SERGEF: variants seen among roughly 807,000 people sequenced by gnomAD.
SERGEF encodes the protein secretion-regulating guanine nucleotide exchange factor.
Under a neutral mutation model 50.0 loss-of-function variants are expected in SERGEF, and 51 were observed. That is an observed-to-expected ratio of 1.02 (90% CI 0.81 to 1.29). The LOEUF is 1.29. Ranked by LOEUF, SERGEF falls within the 50% of genes most tolerant of loss-of-function variation. The pLI, the probability that SERGEF is intolerant of heterozygous loss-of-function variation, is 0.00. For synonymous variants in SERGEF, 205 were observed against 212.4 expected, an observed-to-expected ratio of 0.97 and a Z score of 0.30; for missense variants, 521 against 557.0, an observed-to-expected ratio of 0.94 and a Z score of 0.65.
chr11:17,971,773 G>A (rs1853253271), intron 8 of SERGEF, among the ~76,000 whole-genome samples: 1 of 152,162 alleles, frequency 6.6e-6, no homozygotes, highest in Non-Finnish European at 1.5e-5. Context: ...ATTTTGTAAA[G>A]CTATAGCTGC....
At chr11:17,922,195 T>C (rs967334301) in intron 9 of SERGEF, among the ~76,000 whole-genome samples, 1 of 152,150 alleles carries the variant, frequency 6.6e-6, no homozygotes, top group Non-Finnish European at 1.5e-5. Context: ...AGAAAACCAC[T>C]CCTGTCTACG....
chr11:17,824,300 C>CA (rs34840327), intron 10 of SERGEF, among the ~76,000 whole-genome samples: 24 of 139,502 alleles, frequency 1.7e-4, no homozygotes, highest in African/African-American at 3.2e-4. Context: ...GACACCGTCT[C>CA]AAAAAAAAAA....
intron 6 of SERGEF, 64 bp from the exon 7 acceptor site, chr11:17,993,057 G>GCCCC: frequency 7.2e-7 from 1 of 1,386,466 alleles, no homozygotes; most frequent in Non-Finnish European, 1.0e-6. Flanking sequence ...CAGAGAGGGG[G>GCCCC]CACTCAGCCA....
intron 10 of SERGEF, among the ~76,000 whole-genome samples, chr11:17,851,130 C>T (rs1350560654): frequency 6.6e-6 from 1 of 152,194 alleles, no homozygotes; most frequent in African/African-American, 2.4e-5. Flanking sequence ...ATGTATATAT[C>T]TGTACCGTGT....
chr11:17,992,283 T>C (rs1342217422), intron 7 of SERGEF, among the ~76,000 whole-genome samples: 3 of 152,072 alleles, frequency 2.0e-5, no homozygotes, highest in African/African-American at 7.2e-5. Context: ...GACACACAGA[T>C]TAGATATTAC....
chr11:18,005,591 C>T lies in SERGEF; in HGVS notation c.352+1000G>A, dbSNP rs7929260. ...ATGACAGGAGAGTGACAGAAGATGC[C>T]CTTGCCAAAGGACCGTGGCAAAGAG... On this transcript the variant is annotated intron_variant, in intron 3 of 10. Transcript: ENST00000265965. Among the ~76,000 whole-genome samples, 862 of 152,214 alleles carry T rather than the reference C, an allele frequency of 5.7e-3. 8 individuals carry two copies. The highest frequency in any genetic ancestry group is 0.02 in the African/African-American group (815 of 41,528).
chr11:17,940,260 A>C (rs1418284763), intron 9 of SERGEF, among the ~76,000 whole-genome samples: 2 of 152,180 alleles, frequency 1.3e-5, no homozygotes, highest in Non-Finnish European at 2.9e-5. Flanking sequence ...CTTGTGGGCA[A>C]GACATCAATA....
At chr11:17,911,258 T>C (rs947377696) in intron 9 of SERGEF, among the ~76,000 whole-genome samples, 1 of 149,900 alleles carries the variant, frequency 6.7e-6, no homozygotes, top group South Asian at 2.1e-4. Context: ...GTATGAGTGA[T>C]GGGGCCAGGA....
chr11:17,910,193 A>T (rs509678), intron 9 of SERGEF, among the ~76,000 whole-genome samples: 71,930 of 145,228 alleles, frequency 0.5, 19,195 homozygotes, highest in African/African-American at 0.72. Context: ...ACACACACAC[A>T]CTCTCTCTCT....
intron 7 of SERGEF, among the ~76,000 whole-genome samples, chr11:17,992,002 G>A (rs1474007022): frequency 6.6e-6 from 1 of 152,116 alleles, no homozygotes; most frequent in Non-Finnish European, 1.5e-5. Flanking sequence ...AGGGGTCAGG[G>A]CAATGTGGGC....
chr11:17,878,499 AT>A (rs1251342304), intron 9 of SERGEF, among the ~76,000 whole-genome samples: 4 of 152,184 alleles, frequency 2.6e-5, no homozygotes, highest in Non-Finnish European at 4.4e-5. Context: ...ACCATGAGTA[AT>A]TTTTTAAACC....
At chr11:17,811,071 A>C (rs1849862839) in intron 10 of SERGEF, among the ~76,000 whole-genome samples, 1 of 152,226 alleles carries the variant, frequency 6.6e-6, no homozygotes, top group Non-Finnish European at 1.5e-5. Flanking sequence ...TGGTGGAAGC[A>C]GCTGAGAGAA....
At chr11:17,932,039 T>G (rs933307439) in intron 9 of SERGEF, among the ~76,000 whole-genome samples, 1 of 133,606 alleles carries the variant, frequency 7.5e-6, no homozygotes, top group Admixed American at 8.2e-5. Context: ...TCAATGTATC[T>G]TAAATATTGG....
At chr11:18,000,218 C>T (rs751921932) in intron 5 of SERGEF, among the ~76,000 whole-genome samples, 3 of 152,230 alleles carry the variant, frequency 2.0e-5, no homozygotes, top group South Asian at 2.1e-4. Flanking sequence ...AAGGCCAAGG[C>T]GGGAGGATTG....
intron 10 of SERGEF, among the ~76,000 whole-genome samples, chr11:17,833,468 G>A (rs936303572): frequency 1.3e-5 from 2 of 152,200 alleles, no homozygotes; most frequent in Non-Finnish European, 2.9e-5. Context: ...AATGTGGGGT[G>A]GGATTCCCCA....
intron 9 of SERGEF, among the ~76,000 whole-genome samples, chr11:17,937,930 A>C (rs1211154648): frequency 6.6e-6 from 1 of 152,186 alleles, no homozygotes; most frequent in Non-Finnish European, 1.5e-5. Flanking sequence ...CCTGATGCTC[A>C]GTGGTACATA....
chr11:18,000,284 C>T (rs1015918726), intron 5 of SERGEF, among the ~76,000 whole-genome samples: 2 of 151,668 alleles, frequency 1.3e-5, no homozygotes, highest in Non-Finnish European at 2.9e-5. Flanking sequence ...CCTGTCTCTA[C>T]AAAAAATCTT....
rs138233166 is a variant in SERGEF, at chr11:17,965,608, C to T, written c.845-5972G>A. ...GTTTATAAATGCACACTCATTAGGA[C>T]TGTTTAATTAATGTGTGCCTCCTCT... On this transcript the variant is annotated intron_variant, in intron 8 of 10. Coordinates refer to ENST00000265965, the MANE Select transcript of SERGEF (RefSeq NM_012139.4). 1.6e-3 allele frequency among the ~76,000 whole-genome samples: 242 copies of T among 152,314 alleles called. 1 individual carries two copies. Among genetic ancestry groups the T allele is most frequent in the Middle Eastern group, 6.8e-3 (2 of 292 alleles).
intron 10 of SERGEF, among the ~76,000 whole-genome samples, chr11:17,796,852 G>A (rs781495815): frequency 1.4e-4 from 21 of 152,164 alleles, no homozygotes; most frequent in Admixed American, 2.6e-4. Context: ...CAGGTTTGTG[G>A]CCCACATTGC....
Sources: allele counts gnomAD v4.1 joint callset (sites outside exome capture counted in the v4.1 genomes callset), GRCh38; gene constraint gnomAD v4.1.1; transcripts MANE v1.5; gene names NCBI Gene and HGNC (gene_info 2026-07-23, HGNC 2026-07-21).